The following MSI1 variants were observed in gnomAD, a reference collection of about 807,000 sequenced individuals.
The protein encoded by MSI1 is musashi RNA binding protein 1, also known as RNA-binding protein Musashi homolog 1.
MSI1 carries 15 observed loss-of-function variants against 54.4 expected under a neutral mutation model. The ratio of observed to expected loss-of-function variants is 0.28; its 90% confidence interval spans 0.18 to 0.42. The LOEUF (loss-of-function observed/expected upper bound fraction) is 0.42. Among genes scored for constraint, MSI1 ranks in the 20% least tolerant of loss-of-function variants. The pLI, the probability that MSI1 is intolerant of heterozygous loss-of-function variation, is 1.00. For synonymous variants in MSI1, 200 were observed against 196.5 expected, an observed-to-expected ratio of 1.02 and a Z score of -0.15; for missense variants, 304 against 506.0, an observed-to-expected ratio of 0.60 and a Z score of 3.83.
downstream of MSI1, among the ~76,000 whole-genome samples, chr12:120,341,176 GTGAC>G (rs1182470637): frequency 6.6e-6 from 1 of 152,054 alleles, no homozygotes; most frequent in Non-Finnish European, 1.5e-5. Context: ...ATGAGCCACT[GTGAC>G]TGACTGGCCC....
chr12:120,359,923 C>T (rs1215721705), intron 6 of MSI1, among the ~76,000 whole-genome samples: 1 of 152,104 alleles, frequency 6.6e-6, no homozygotes, highest in East Asian at 1.9e-4. Flanking sequence ...CTCAAGCCAT[C>T]AAGCCATGGG....
chr12:120,361,693 TC>T (rs1436217192), intron 6 of MSI1, among the ~76,000 whole-genome samples: 1 of 142,256 alleles, frequency 7.0e-6, no homozygotes, highest in Non-Finnish European at 1.5e-5. Flanking sequence ...TGACCATTGT[TC>T]CCCCCTCGGC....
At chr12:120,361,129 C>T (rs1875597387) in intron 6 of MSI1, among the ~76,000 whole-genome samples, 2 of 152,154 alleles carry the variant, frequency 1.3e-5, no homozygotes, top group South Asian at 4.1e-4. Flanking sequence ...ATACTAATGG[C>T]TTGAAGGTTG....
At chr12:120,346,364 C>T in intron 12 of MSI1, 42 bp from the exon 13 acceptor site, 1 of 1,460,738 alleles carries the variant, frequency 6.8e-7, no homozygotes, top group Non-Finnish European at 9.1e-7. Flanking sequence ...CTGGTGCCCT[C>T]TGCCACCCCA....
At chr12:120,341,087 T>C (rs1314748188), downstream of MSI1, among the ~76,000 whole-genome samples, 1 of 151,982 alleles carries the variant, frequency 6.6e-6, no homozygotes, top group African/African-American at 2.4e-5. Context: ...GGTTTCGCCA[T>C]GTTGACCAGC....
chr12:120,352,677 G>GTAAA (rs922754499), intron 10 of MSI1, among the ~76,000 whole-genome samples: 5 of 151,358 alleles, frequency 3.3e-5, no homozygotes, highest in African/African-American at 9.7e-5. Flanking sequence ...AGACCCCCAA[G>GTAAA]TAAATAAATA....
Position 120,368,145 on chromosome 12 carries a change from G to A in MSI1, c.182+47C>T, listed in dbSNP as rs779002289. Reference sequence around the variant, plus strand: ...ATGGTTACAAGGCAGTGAGTGGCGGGTGGAGGGGGGCGAGCCGGGAGCAGG... The same window carrying A: ...ATGGTTACAAGGCAGTGAGTGGCGGATGGAGGGGGGCGAGCCGGGAGCAGG... On this transcript the variant is annotated intron_variant, in intron 3 of 14. Coordinates refer to ENST00000257552, the MANE Select transcript of MSI1 (RefSeq NM_002442.4). The surrounding 1 kb of genome is among the most constrained non-coding windows in gnomAD (Gnocchi z 6.6). 2 of 1,587,982 alleles carry A rather than the reference G, an allele frequency of 1.3e-6. No homozygotes were observed. The highest frequency in any genetic ancestry group is 1.8e-5 in the Admixed American group (1 of 56,300).
At chr12:120,357,438 C>T (rs1241935093) in intron 8 of MSI1, among the ~76,000 whole-genome samples, 2 of 152,194 alleles carry the variant, frequency 1.3e-5, no homozygotes, top group Admixed American at 1.3e-4. Context: ...TGGCAGGCCC[C>T]ACAAGGAGCC....
intron 12 of MSI1, among the ~76,000 whole-genome samples, chr12:120,347,205 C>T (rs972495509): frequency 3.3e-5 from 5 of 152,218 alleles, no homozygotes; most frequent in African/African-American, 9.6e-5. Context: ...CCACCTTGGC[C>T]TCCCAAAGTG....
intron 6 of MSI1, among the ~76,000 whole-genome samples, 185 bp downstream of exon 6, chr12:120,362,852 CCTGAGT>C (rs1201181250): frequency 6.6e-6 from 1 of 152,198 alleles, no homozygotes; most frequent in East Asian, 1.9e-4. Context: ...CGAGGGATAT[CCTGAGT>C]CTGAAGCTCA....
chr12:120,351,711 CTTT>C (rs34601359), intron 10 of MSI1, among the ~76,000 whole-genome samples: 6 of 125,504 alleles, frequency 4.8e-5, no homozygotes, highest in Non-Finnish European at 5.1e-5. Flanking sequence ...TTCTTTCTCT[CTTT>C]TTTTTTTTTT....
intron 6 of MSI1, among the ~76,000 whole-genome samples, chr12:120,359,564 A>T (rs1386795121): frequency 2.6e-5 from 4 of 152,298 alleles, no homozygotes; most frequent in African/African-American, 7.2e-5. Context: ...TAGAGGCTGT[A>T]ATTAAAGCAA....
rs1592943948 is a variant in MSI1, at chr12:120,360,407, A to C, written c.403-1354T>G. On this transcript the variant is annotated intron_variant, in intron 6 of 14. Transcript: ENST00000257552. ...TCTGACTCCCACTGGGAGAACCAGG[A>C]CCCCACTGAGCCAGGAGGCAACAAG... 5.9e-5 allele frequency among the ~76,000 whole-genome samples: 9 copies of C among 152,236 alleles called. No individual in the cohort carries two copies. In the South Asian group the frequency reaches 1.9e-3, roughly 32 times the overall value.
chr12:120,365,272 C>T (rs1875945518), intron 4 of MSI1, among the ~76,000 whole-genome samples: 1 of 152,130 alleles, frequency 6.6e-6, no homozygotes, highest in African/African-American at 2.4e-5. Context: ...CACTGCTTCC[C>T]AGCTGTGAGA....
intron 9 of MSI1, among the ~76,000 whole-genome samples, chr12:120,354,921 T>C (rs1039964776): frequency 2.0e-5 from 3 of 149,816 alleles, no homozygotes; most frequent in Admixed American, 6.7e-5. Context: ...TGGCTGGCCA[T>C]GGTGGCTCAT....
intron 8 of MSI1, 135 bp downstream of exon 8, chr12:120,357,681 T>A (rs1875255277): frequency 1.2e-6 from 1 of 805,852 alleles, no homozygotes; most frequent in African/African-American, 1.7e-5. Context: ...AATTTTTGTA[T>A]TTTTAGTAGA....
chr12:120,346,705 C>T (rs756613755), intron 12 of MSI1, among the ~76,000 whole-genome samples: 1 of 152,182 alleles, frequency 6.6e-6, no homozygotes, highest in Non-Finnish European at 1.5e-5. Flanking sequence ...GGCCTCCAAG[C>T]CTTTGCATAT....
At chr12:120,347,608 G>A in intron 11 of MSI1, 94 bp from the exon 12 acceptor site, 1 of 1,492,732 alleles carries the variant, frequency 6.7e-7, no homozygotes, top group Admixed American at 1.7e-5. Flanking sequence ...TGTCCAGCCT[G>A]GCCCTACCTC....
chr12:120,339,785 C>CT (rs368421504), downstream of MSI1, among the ~76,000 whole-genome samples: 1,670 of 144,216 alleles, frequency 0.012, 44 homozygotes, highest in African/African-American at 0.039. Flanking sequence ...TAAAGTAATT[C>CT]TTTTTTTTTT....
Sources: gnomAD v4.1 joint callset for allele counts (sites outside exome capture counted in the v4.1 genomes callset) on GRCh38, gnomAD v4.1.1 for gene constraint, Gnocchi (gnomAD v3.1) non-coding constraint, MANE v1.5 for transcripts, NCBI Gene and HGNC (gene_info 2026-07-23, HGNC 2026-07-21) for gene names.